Variants in SLIT3 observed in about 807,000 individuals in gnomAD.
The protein encoded by SLIT3 is slit guidance ligand 3.
Under a neutral mutation model 184.0 loss-of-function variants are expected in SLIT3, and 68 were observed. The observed-to-expected ratio is 0.37, with a 90% CI of 0.30 to 0.45. The LOEUF is 0.45. Among genes scored for constraint, SLIT3 ranks in the 20% least tolerant of loss-of-function variants. SLIT3 has a pLI of 1.00. For synonymous variants in SLIT3, 831 were observed against 828.6 expected (o/e 1.00, Z -0.05); for missense variants, 1,707 against 2,026.0 (o/e 0.84, Z 3.02).
chr5:168,808,878 C>T (rs1033449790), intron 8 of SLIT3, among the ~76,000 whole-genome samples: 2 of 152,140 alleles, frequency 1.3e-5, no homozygotes, highest in Non-Finnish European at 2.9e-5. Context: ...AAGAAAACTG[C>T]GGAGCCTGGC....
At chr5:168,804,429 G>T (rs1756887096) in intron 9 of SLIT3, among the ~76,000 whole-genome samples, 2 of 150,604 alleles carry the variant, frequency 1.3e-5, no homozygotes, top group Admixed American at 1.3e-4. Flanking sequence ...AAGTAAATTA[G>T]ATAGTATGTT....
intron 4 of SLIT3, among the ~76,000 whole-genome samples, chr5:169,114,400 A>G (rs1760567916): frequency 6.6e-6 from 1 of 152,226 alleles, no homozygotes; most frequent in South Asian, 2.1e-4. Flanking sequence ...AGCCTGGATT[A>G]GAACATAAGC....
intron 1 of SLIT3, among the ~76,000 whole-genome samples, chr5:169,280,488 T>A (rs777025500): frequency 1.3e-5 from 2 of 152,114 alleles, no homozygotes; most frequent in African/African-American, 4.8e-5. Context: ...AGCTGGCCCC[T>A]CGGCTATGTG....
intron 20 of SLIT3, among the ~76,000 whole-genome samples, chr5:168,735,344 CCA>C (rs1482240947): frequency 3.9e-5 from 6 of 152,166 alleles, no homozygotes; most frequent in Non-Finnish European, 8.8e-5. Context: ...GGGAGGGAAG[CCA>C]CCTTCCCAGA....
intron 4 of SLIT3, among the ~76,000 whole-genome samples, chr5:169,176,108 G>A (rs1762976017): frequency 6.6e-6 from 1 of 152,170 alleles, no homozygotes; most frequent in South Asian, 2.1e-4. Context: ...CAAGCCCACA[G>A]TGAGTGCAGA....
At chr5:168,868,608 C>T (rs1438384305) in intron 5 of SLIT3, among the ~76,000 whole-genome samples, 5 of 151,760 alleles carry the variant, frequency 3.3e-5, no homozygotes, top group Non-Finnish European at 5.9e-5. Context: ...ATTAGCTGGC[C>T]GTGGTGGCGG....
chr5:168,773,856 G>A (rs949051254), intron 13 of SLIT3, among the ~76,000 whole-genome samples: 4 of 152,114 alleles, frequency 2.6e-5, no homozygotes, highest in Non-Finnish European at 5.9e-5. Context: ...GACCACAGGG[G>A]TTATGAGGGT....
At chr5:168,698,667 G>A (rs1762128801) in intron 27 of SLIT3, among the ~76,000 whole-genome samples, 1 of 151,992 alleles carries the variant, frequency 6.6e-6, no homozygotes, top group African/African-American at 2.4e-5. Flanking sequence ...AATGGAAGAG[G>A]GGAGCAAAGG....
At chr5:168,728,277 C>CATATATATATATATATATAT (rs3061738) in intron 20 of SLIT3, among the ~76,000 whole-genome samples, 29 of 140,956 alleles carry the variant, frequency 2.1e-4, no homozygotes, top group Admixed American at 4.2e-4. Context: ...TAATCAACAA[C>CATATATATATATATATATAT]ATATATATAT....
At chr5:169,155,994 T>C (rs1762292656) in intron 4 of SLIT3, among the ~76,000 whole-genome samples, 1 of 152,198 alleles carries the variant, frequency 6.6e-6, no homozygotes, top group African/African-American at 2.4e-5. Context: ...AGATTTGCAA[T>C]GTACATCAGC....
intron 4 of SLIT3, among the ~76,000 whole-genome samples, chr5:168,981,651 C>T (rs943363504): frequency 3.3e-5 from 5 of 152,186 alleles, no homozygotes; most frequent in African/African-American, 1.2e-4. Flanking sequence ...ATCCCTCCTG[C>T]CCTTTACTAT....
At chr5:168,925,664 T>TAA (rs79576362) in intron 4 of SLIT3, among the ~76,000 whole-genome samples, 21 of 137,566 alleles carry the variant, frequency 1.5e-4, no homozygotes, top group Admixed American at 7.2e-4. Flanking sequence ...TCTGCCCTGT[T>TAA]AAAAAAAAAA....
At position 168,995,033 on chromosome 5, in the gene SLIT3, G is replaced by T. The variant is rs75148300; in HGVS notation, c.414-111697C>A. 9.6e-3 allele frequency among the ~76,000 whole-genome samples: 1,459 copies of T among 152,166 alleles called. 6 individuals are homozygous for T. The highest frequency in any genetic ancestry group is 0.014 in the Non-Finnish European group (922 of 67,980). On this transcript the variant is annotated intron_variant, in intron 4 of 35. Coordinates refer to ENST00000519560, the MANE Select transcript of SLIT3 (RefSeq NM_003062.4). ...ATTATTATGCCTATTTTTCCATAAG[G>T]AAACTGAGGCACAGTGAAATCTGGT...
At chr5:169,058,807 A>G (rs1758090063) in intron 4 of SLIT3, among the ~76,000 whole-genome samples, 2 of 152,356 alleles carry the variant, frequency 1.3e-5, no homozygotes, top group African/African-American at 4.8e-5. Flanking sequence ...ATCTAAATGG[A>G]AGGCTGAGAT....
At chr5:168,789,808 C>A in intron 10 of SLIT3, 177 bp from the exon 11 acceptor site, 1 of 579,404 alleles carries the variant, frequency 1.7e-6, no homozygotes, top group Non-Finnish European at 3.1e-6. Context: ...GTTCAACTAC[C>A]TCATGATAAA....
At chr5:168,963,142 A>T (rs1763073363) in intron 4 of SLIT3, among the ~76,000 whole-genome samples, 1 of 152,208 alleles carries the variant, frequency 6.6e-6, no homozygotes, top group Non-Finnish European at 1.5e-5. Context: ...TTGTAAATAA[A>T]GTTTTACTGG....
At chr5:169,045,483 G>T (rs926608010) in intron 4 of SLIT3, among the ~76,000 whole-genome samples, 1 of 150,902 alleles carries the variant, frequency 6.6e-6, no homozygotes, top group Non-Finnish European at 1.5e-5. Flanking sequence ...GGAAATATTA[G>T]TATTTCAAGA....
chr5:169,011,582 C>T (rs962618467), intron 4 of SLIT3, among the ~76,000 whole-genome samples: 2 of 152,162 alleles, frequency 1.3e-5, no homozygotes, highest in Non-Finnish European at 2.9e-5. Context: ...AGGAGGAAGG[C>T]TGAGGAATGC....
At chr5:168,876,122 G>T (rs1759721695) in intron 5 of SLIT3, among the ~76,000 whole-genome samples, 1 of 152,040 alleles carries the variant, frequency 6.6e-6, no homozygotes, top group Admixed American at 6.6e-5. Flanking sequence ...CTCTGTCTCT[G>T]GTTGATAAGC....
Sources: allele counts gnomAD v4.1 joint callset (sites outside exome capture counted in the v4.1 genomes callset), GRCh38; gene constraint gnomAD v4.1.1; transcripts MANE v1.5; gene names NCBI Gene and HGNC (gene_info 2026-07-23, HGNC 2026-07-21).